Variants in KIRREL3 observed in about 807,000 individuals in gnomAD.
The protein encoded by KIRREL3 is kin of IRRE-like protein 3.
In KIRREL3, 36 loss-of-function variants were observed where a neutral mutation model predicts 89.7. The observed-to-expected ratio is 0.40, with a 90% CI of 0.31 to 0.53. The LOEUF (loss-of-function observed/expected upper bound fraction) is 0.53, where lower values mean the gene tolerates loss of function less well. KIRREL3 is among the 20% of genes least tolerant of loss of function. The pLI is 0.49. For missense variants in KIRREL3, 864 were observed against 1,056.6 expected (o/e 0.82, Z 2.53); for synonymous variants, 445 against 441.4 (o/e 1.01, Z -0.10).
At chr11:126,765,356 A>G (rs904584776) in intron 1 of KIRREL3, among the ~76,000 whole-genome samples, 1 of 152,130 alleles carries the variant, frequency 6.6e-6, no homozygotes, top group African/African-American at 2.4e-5. Flanking sequence ...CAACACCACA[A>G]AGCTAAGCCT....
At position 126,462,989 on chromosome 11, in the gene KIRREL3, A is replaced by G. The variant is rs577314688; in HGVS notation, c.742+168T>C. Among the ~76,000 whole-genome samples, 112 of 152,318 alleles carry G rather than the reference A, an allele frequency of 7.4e-4. No homozygotes were observed. The highest frequency in any genetic ancestry group is 2.6e-3 in the African/African-American group (109 of 41,566). On this transcript the variant is annotated intron_variant, in intron 6 of 16. Coordinates refer to ENST00000525144, the MANE Select transcript of KIRREL3 (RefSeq NM_032531.4). This position sits in a 1 kb window ranked among gnomAD's most constrained non-coding sequence, Gnocchi z 4.8. The stretch of plus-strand genomic sequence containing the variant: ...CATCTGTGAGGTTGCATCTCATGAC[A>G]GTAAGGAAGACAAGATGGTCCTTCC...
intron 1 of KIRREL3, among the ~76,000 whole-genome samples, chr11:126,886,669 G>T (rs536685928): frequency 6.6e-6 from 1 of 152,262 alleles, no homozygotes; most frequent in South Asian, 2.1e-4. Context: ...GAGCATTATT[G>T]AACAGTTGGG....
chr11:126,982,635 A>G (rs1256729632), intron 1 of KIRREL3, among the ~76,000 whole-genome samples: 1 of 152,192 alleles, frequency 6.6e-6, no homozygotes, highest in Admixed American at 6.5e-5. Context: ...CCATTCCCCC[A>G]GCCCAACACC....
rs146005151 is a variant in KIRREL3 at position 126,673,246 on chromosome 11, G to A, written c.56-110334C>T. The stretch of plus-strand genomic sequence containing the variant: ...GAGGCCACACTTGGCTCGAAAGAGC[G>A]GAGAGGTTGGTGGGTCAGTGAGATA... On this transcript the variant is annotated intron_variant, in intron 1 of 16. Transcript: ENST00000525144. Among the ~76,000 whole-genome samples the A allele has an allele frequency of 3.4e-3, 516 of 152,346 alleles. 1 individual carries two copies. The highest frequency in any genetic ancestry group is 5.1e-3 in the Non-Finnish European group (347 of 68,036).
chr11:126,631,131 T>G lies in KIRREL3; in HGVS notation c.56-68219A>C, dbSNP rs561352987. 5.4e-3 allele frequency among the ~76,000 whole-genome samples: 750 copies of G among 137,742 alleles called. 11 individuals are homozygous for G. Among genetic ancestry groups the G allele is most frequent in the African/African-American group, 0.02 (707 of 34,864 alleles). The allele number at this position is 137,742 out of a possible 152,430, so 90.4% of individuals were successfully genotyped here. A position where few individuals can be genotyped will look rare whatever the true frequency, so the allele number is the denominator to read the frequency against. On this transcript the variant is annotated intron_variant, in intron 1 of 16. Coordinates refer to ENST00000525144, the MANE Select transcript of KIRREL3 (RefSeq NM_032531.4). ...AATCAGTCTGTATGTATGTATTCATTCATTCATTCATTCATTCATTCATTC... is the reference window on the plus strand; with the variant it reads ...AATCAGTCTGTATGTATGTATTCATGCATTCATTCATTCATTCATTCATTC...
At chr11:126,845,012 G>C (rs1408674268) in intron 1 of KIRREL3, among the ~76,000 whole-genome samples, 2 of 152,002 alleles carry the variant, frequency 1.3e-5, no homozygotes, top group African/African-American at 4.8e-5. Context: ...GATCTTTTCT[G>C]TTACTCAGGG....
At position 126,778,831 on chromosome 11, in the gene KIRREL3, A is replaced by T. The variant is rs974344409; in HGVS notation, c.56-215919T>A. ...TTCAAGGACCCATTTATATAAGTCC[A>T]GCATGGAAAAACTGTCGTTCTTGTT... On this transcript the variant is annotated intron_variant, in intron 1 of 16. Coordinates refer to ENST00000525144, the MANE Select transcript of KIRREL3 (RefSeq NM_032531.4). The surrounding 1 kb of genome is among the most constrained non-coding windows in gnomAD (Gnocchi z 4.5). Among the ~76,000 whole-genome samples the T allele has an allele frequency of 6.6e-6, 1 of 152,276 alleles. No individual in the cohort carries two copies. The highest frequency in any genetic ancestry group is 6.5e-5 in the Admixed American group (1 of 15,294).
intron 4 of KIRREL3, among the ~76,000 whole-genome samples, chr11:126,514,235 C>T (rs946235200): frequency 4.6e-5 from 7 of 152,130 alleles, no homozygotes; most frequent in African/African-American, 1.4e-4. Flanking sequence ...GGCTCGTTTG[C>T]TACCGCTATT....
At position 126,455,794 on chromosome 11, in the gene KIRREL3, C is replaced by A. The variant is rs948670162; in HGVS notation, c.848+555G>T. ...CCTGGGTGACAGAGCGAGACTCTGT[C>A]TCAAAACAAACAAAGAAACAAACAA... On this transcript the variant is annotated intron_variant, in intron 7 of 16. Coordinates refer to ENST00000525144, the MANE Select transcript of KIRREL3 (RefSeq NM_032531.4). The surrounding 1 kb of genome is among the most constrained non-coding windows in gnomAD (Gnocchi z 6.4). Among the ~76,000 whole-genome samples, 2 of 152,094 alleles carry A rather than the reference C, an allele frequency of 1.3e-5. No individual in the cohort carries two copies. The highest frequency in any genetic ancestry group is 2.9e-5 in the Non-Finnish European group (2 of 68,018).
rs34844660 is a variant in KIRREL3 at position 126,424,766 on chromosome 11, G to A, written c.2151C>T (p.Ser717=). 3,138 of 1,614,032 alleles carry A rather than the reference G, an allele frequency of 1.9e-3. 51 individuals are homozygous for A. The African/African-American group carries it at 0.036, about 19-fold the overall frequency. Residue 717 remains serine (S), a synonymous_variant, in exon 17 of 17, where the codon AGC becomes AGT. Coordinates refer to ENST00000525144, the MANE Select transcript of KIRREL3 (RefSeq NM_032531.4). ...GCGTGTCCAGGAAGGAGCTGCTGTCGCTGAGGGAGCCTCTCTGGAACTCCC... is the reference window on the plus strand; with the variant it reads ...GCGTGTCCAGGAAGGAGCTGCTGTCACTGAGGGAGCCTCTCTGGAACTCCC... ...CEREFQRGSL[S]DSSSFLDTQC...
At position 126,997,498 on chromosome 11, in the gene KIRREL3, A is replaced by G. The variant is rs1950209144; in HGVS notation, c.55+2957T>C. On this transcript the variant is annotated intron_variant, in intron 1 of 16. Transcript: ENST00000525144. The surrounding 1 kb of genome is among the most constrained non-coding windows in gnomAD (Gnocchi z 4.3). Reference sequence around the variant, plus strand: ...AGCCTTACTACTGCCACCTTAAGAAAGATAAAGAAATACTTGATCTCAATC... The same window carrying G: ...AGCCTTACTACTGCCACCTTAAGAAGGATAAAGAAATACTTGATCTCAATC... Among the ~76,000 whole-genome samples the G allele has an allele frequency of 6.6e-6, 1 of 152,082 alleles. No homozygotes were observed. The highest frequency in any genetic ancestry group is 2.4e-5 in the African/African-American group (1 of 41,392).
intron 1 of KIRREL3, among the ~76,000 whole-genome samples, chr11:126,941,787 C>T (rs1037956241): frequency 1.3e-5 from 2 of 152,182 alleles, no homozygotes; most frequent in Non-Finnish European, 2.9e-5. Flanking sequence ...TGGTAGGCCT[C>T]CAGGGATCTA....
rs993422211 is a variant in KIRREL3, at chr11:126,704,274, C to T, written c.56-141362G>A. ...TGCATGCATGTGCACAGCTGTTCCC[C>T]TTAACTGCAGAATGAAGTGAGCACA... On this transcript the variant is annotated intron_variant, in intron 1 of 16. Coordinates refer to ENST00000525144, the MANE Select transcript of KIRREL3 (RefSeq NM_032531.4). The surrounding 1 kb of genome is among the most constrained non-coding windows in gnomAD (Gnocchi z 4.2). Among the ~76,000 whole-genome samples the T allele has an allele frequency of 2.0e-5, 3 of 152,178 alleles. No homozygotes were observed. Among genetic ancestry groups the T allele is most frequent in the African/African-American group, 7.2e-5 (3 of 41,442 alleles).
intron 1 of KIRREL3, chr11:126,681,980 T>C (rs1946477160): frequency 2.3e-6 from 1 of 433,482 alleles, no homozygotes; most frequent in Non-Finnish European, 4.7e-6. Flanking sequence ...AAAGAACAGA[T>C]GAGTTTGGGA....
intron 1 of KIRREL3, among the ~76,000 whole-genome samples, chr11:126,648,111 C>A (rs1029770584): frequency 6.6e-6 from 1 of 152,102 alleles, no homozygotes; most frequent in Non-Finnish European, 1.5e-5. Context: ...GTGTGTATCA[C>A]CTCCTCCTTC....
rs1958601203 is a variant in KIRREL3 at position 126,521,709 on chromosome 11, TG to T, written c.284-246del. ...GTGTGTGTGTGTGTGTGTGTGTGTG[TG>T]TGTGTGTGTGTGTGTGTGTGTATAA... On this transcript the variant is annotated intron_variant, in intron 3 of 16. Coordinates refer to ENST00000525144, the MANE Select transcript of KIRREL3 (RefSeq NM_032531.4). The surrounding 1 kb of genome is among the most constrained non-coding windows in gnomAD (Gnocchi z 4.1). Among the ~76,000 whole-genome samples the T allele has an allele frequency of 7.5e-6, 1 of 134,050 alleles. No individual in the cohort carries two copies. The allele number at this position is 134,050 out of a possible 152,430, so 87.9% of individuals were successfully genotyped here.
intron 1 of KIRREL3, among the ~76,000 whole-genome samples, chr11:126,790,335 C>A (rs1436245596): frequency 6.6e-6 from 1 of 152,164 alleles, no homozygotes; most frequent in Admixed American, 6.5e-5. Flanking sequence ...AGGCCCAGAG[C>A]CTTGGATTCC....
In KIRREL3 at chr11:126,429,871, T is replaced by C. The variant is rs561429188; in HGVS notation, c.1697-583A>G. 2.2e-4 allele frequency among the ~76,000 whole-genome samples: 34 copies of C among 152,312 alleles called. No individual in the cohort carries two copies. The highest frequency in any genetic ancestry group is 7.0e-4 in the African/African-American group (29 of 41,582). On this transcript the variant is annotated intron_variant, in intron 14 of 16. Coordinates refer to ENST00000525144, the MANE Select transcript of KIRREL3 (RefSeq NM_032531.4). This position sits in a 1 kb window ranked among gnomAD's most constrained non-coding sequence, Gnocchi z 5.2. ...AAAATTCTTGGCTGGGTGCGGTGGC[T>C]CACGCCTGTAATCCCAGCACTTTGG...
In KIRREL3 at chr11:126,747,322, G is replaced by A. The variant is rs1248912630; in HGVS notation, c.56-184410C>T. 6.6e-6 allele frequency among the ~76,000 whole-genome samples: 1 copy of A among 152,182 alleles called. No individual in the cohort carries two copies. The highest frequency in any genetic ancestry group is 2.4e-5 in the African/African-American group (1 of 41,432). On this transcript the variant is annotated intron_variant, in intron 1 of 16. Coordinates refer to ENST00000525144, the MANE Select transcript of KIRREL3 (RefSeq NM_032531.4). This position sits in a 1 kb window ranked among gnomAD's most constrained non-coding sequence, Gnocchi z 4.7. Reference sequence around the variant, plus strand: ...GATTAAATAAAATACTGGGGATAGAGCTCTTTGCTCATTATCTAGCGTAGC... The same window carrying A: ...GATTAAATAAAATACTGGGGATAGAACTCTTTGCTCATTATCTAGCGTAGC...
Sources: gnomAD v4.1 joint callset for allele counts (sites outside exome capture counted in the v4.1 genomes callset) on GRCh38, gnomAD v4.1.1 for gene constraint, Gnocchi (gnomAD v3.1) non-coding constraint, MANE v1.5 for transcripts, NCBI Gene and HGNC (gene_info 2026-07-23, HGNC 2026-07-21) for gene names.